MSANTD3: variants seen among roughly 807,000 people sequenced by gnomAD.
MSANTD3 encodes myb/SANT-like DNA-binding domain-containing protein 3.
A neutral mutation model predicts 27.7 loss-of-function variants in MSANTD3; 11 were observed. That is an observed-to-expected ratio of 0.40 (90% CI 0.25 to 0.66). The LOEUF (loss-of-function observed/expected upper bound fraction) is 0.66. Ranked by LOEUF, MSANTD3 falls within the 30% of genes least tolerant of loss-of-function variation. MSANTD3 has a pLI of 0.41. For missense variants in MSANTD3, 250 were observed against 336.5 expected, an observed-to-expected ratio of 0.74 and a Z score of 2.01; for synonymous variants, 131 against 127.2, an observed-to-expected ratio of 1.03 and a Z score of -0.20.
chr9:100,445,128 TA>T, intron 2 of MSANTD3: 2 of 1,302,400 alleles, frequency 1.5e-6, no homozygotes, highest in Non-Finnish European at 2.2e-6. Flanking sequence ...TTCTATACAG[TA>T]AAACAACTTT....
At chr9:100,447,087 A>G (rs574556532) in intron 2 of MSANTD3, among the ~76,000 whole-genome samples, 13 of 152,234 alleles carry the variant, frequency 8.5e-5, no homozygotes, top group African/African-American at 3.1e-4. Flanking sequence ...TCCTGGTCCC[A>G]GGAAAGCTGT....
intron 1 of MSANTD3, among the ~76,000 whole-genome samples, chr9:100,436,216 A>G (rs1428296957): frequency 6.6e-6 from 1 of 152,134 alleles, no homozygotes; most frequent in African/African-American, 2.4e-5. Flanking sequence ...AGGCACAATC[A>G]TAGCTCACTG....
chr9:100,442,808 CAAAA>C (rs59051169), intron 2 of MSANTD3, among the ~76,000 whole-genome samples: 3 of 55,892 alleles, frequency 5.4e-5, no homozygotes, highest in Non-Finnish European at 4.0e-5. Context: ...GACCCTGTCT[CAAAA>C]AAAAAAAAAA....
intron 2 of MSANTD3, chr9:100,444,045 G>A (rs1407278516): frequency 6.6e-6 from 1 of 152,220 alleles, no homozygotes; most frequent in Non-Finnish European, 1.5e-5. Flanking sequence ...AGCCAGGAAT[G>A]TTGTCTGTGT....
intron 2 of MSANTD3, 81 bp from the exon 3 acceptor site, chr9:100,450,476 T>C: frequency 7.7e-7 from 1 of 1,298,124 alleles, no homozygotes; most frequent in Non-Finnish European, 1.1e-6. Context: ...TGAAGGACCC[T>C]GTCATTTGAA....
chr9:100,437,036 C>G (rs929938530), intron 1 of MSANTD3, among the ~76,000 whole-genome samples: 1 of 152,192 alleles, frequency 6.6e-6, no homozygotes, highest in African/African-American at 2.4e-5. Context: ...AACTCCTGAC[C>G]TCAGGTGATC....
At chr9:100,428,148 G>A (rs1037831791) in intron 1 of MSANTD3, among the ~76,000 whole-genome samples, 1 of 152,202 alleles carries the variant, frequency 6.6e-6, no homozygotes, top group African/African-American at 2.4e-5. Flanking sequence ...TTAGGAGTAC[G>A]AAACAGTGAA....
Position 100,442,144 on chromosome 9 carries a change from A to G in MSANTD3, c.206A>G (p.Gln69Arg). The stretch of plus-strand genomic sequence containing the variant: ...AGCGTGTCCCTGCGGGATTTCAAAC[A>G]GCTGAAGAAGTGCTGGGAGAACATC... ...QPSVSLRDFK[Q>R]LKKCWENIKA... Residue 69 changes from glutamine (Q) to arginine (R), a missense_variant, in exon 2 of 3, where the codon CAG (glutamine) becomes CGG (arginine). Coordinates refer to ENST00000395067, the MANE Select transcript of MSANTD3 (RefSeq NM_080655.3). The G allele has an allele frequency of 6.2e-7, 1 of 1,614,212 alleles. No individual in the cohort carries two copies. Among genetic ancestry groups the G allele is most frequent in the Non-Finnish European group, 8.5e-7 (1 of 1,180,036 alleles).
intron 2 of MSANTD3, among the ~76,000 whole-genome samples, chr9:100,443,115 A>G (rs752380526): frequency 2.0e-5 from 3 of 152,064 alleles, no homozygotes; most frequent in Non-Finnish European, 4.4e-5. Context: ...AAAAGAGTCA[A>G]CCGGCTGGGT....
chr9:100,445,576 G>T (rs1836734861), intron 2 of MSANTD3, among the ~76,000 whole-genome samples: 1 of 151,752 alleles, frequency 6.6e-6, no homozygotes, highest in African/African-American at 2.4e-5. Context: ...TTCTAATGTT[G>T]CTCTGAGGAT....
chr9:100,429,185 T>A, intron 1 of MSANTD3, among the ~76,000 whole-genome samples: 1 of 152,146 alleles, frequency 6.6e-6, no homozygotes, highest in Admixed American at 6.6e-5. Context: ...AACCAGGCAT[T>A]GAAGCAGAGA....
Position 100,451,077 on chromosome 9 carries a change from G to A in MSANTD3, c.*111G>A. On this transcript the variant is annotated 3_prime_UTR_variant, in exon 3 of 3. Transcript: ENST00000395067. ...GAGCTACAACTAGGAAAATTAGAGT[G>A]GTAGTAGTCACTTATTTAAGAATTC... The A allele has an allele frequency of 9.5e-7, 1 of 1,053,010 alleles. No individual in the cohort carries two copies. The highest frequency in any genetic ancestry group is 1.4e-6 in the Non-Finnish European group (1 of 730,734). 65.2% of individuals were successfully genotyped at this position (1,053,010 alleles called of 1,614,324 possible).
chr9:100,443,018 C>T (rs575542064), intron 2 of MSANTD3, among the ~76,000 whole-genome samples: 13 of 152,098 alleles, frequency 8.5e-5, no homozygotes, highest in African/African-American at 3.1e-4. Flanking sequence ...TGTATTCATC[C>T]ACTCAATTTC....
chr9:100,450,932 C>T lies in MSANTD3; in HGVS notation c.794C>T (p.Ser265Phe). ...ACTTTTACCAAGGAATGGCCTGTTT[C>T]CTCATTTAACCGGCCCTTTCCCAAT... Reference protein sequence around the residue: ...LQTFTKEWPVSSFNRPFPNSP With the variant: ...LQTFTKEWPVFSFNRPFPNSP The change falls in exon 3 of 3, where the codon TCC (serine) becomes TTC (phenylalanine). Residue 265 changes from serine to phenylalanine, a missense_variant. Ser to Phe is a radical substitution (Grantham distance 155, BLOSUM62 -2). Transcript: ENST00000395067. 1.2e-6 allele frequency: 2 copies of T among 1,603,936 alleles called. No individual in the cohort carries two copies. Among genetic ancestry groups the T allele is most frequent in the Non-Finnish European group, 8.5e-7 (1 of 1,176,352 alleles).
chr9:100,446,590 C>T (rs1316977955), intron 2 of MSANTD3, among the ~76,000 whole-genome samples: 1 of 152,098 alleles, frequency 6.6e-6, no homozygotes, highest in Non-Finnish European at 1.5e-5. Flanking sequence ...CTTTGGGAGG[C>T]CAAGGCAGAC....
chr9:100,449,057 T>G, intron 2 of MSANTD3: 1 of 985,370 alleles, frequency 1.0e-6, no homozygotes, highest in Non-Finnish European at 1.2e-6. Flanking sequence ...GTGGACGTAA[T>G]AATGTAATCA....
intron 1 of MSANTD3, among the ~76,000 whole-genome samples, chr9:100,431,002 CT>C (rs796101000): frequency 7.6e-4 from 110 of 145,004 alleles, no homozygotes; most frequent in Non-Finnish European, 6.9e-4. Context: ...TTCTTTTTTT[CT>C]TTTTTTTTTT....
chr9:100,440,895 G>A lies in MSANTD3; in HGVS notation c.-33-1011G>A, dbSNP rs532701096. Among the ~76,000 whole-genome samples, 20 of 143,300 alleles carry A rather than the reference G, an allele frequency of 1.4e-4. No individual in the cohort carries two copies. In the Middle Eastern group the frequency reaches 0.012, roughly 87 times the overall value. 94.0% of individuals were successfully genotyped at this position (143,300 alleles called of 152,430 possible). A position where few individuals can be genotyped will look rare whatever the true frequency, so the allele number is the denominator to read the frequency against. On this transcript the variant is annotated intron_variant, in intron 1 of 2. Coordinates refer to ENST00000395067, the MANE Select transcript of MSANTD3 (RefSeq NM_080655.3). ...CTACCTCAGCCTCCCAAAGTGCTGG[G>A]ATTACAGGTGTGAGCCACTGTGCCC...
chr9:100,438,941 T>C (rs976641718), intron 1 of MSANTD3, among the ~76,000 whole-genome samples: 4 of 152,308 alleles, frequency 2.6e-5, no homozygotes, highest in Non-Finnish European at 4.4e-5. Context: ...TAGGGACACA[T>C]CCCCAAAGAT....
Sources: gnomAD v4.1 joint callset for allele counts (sites outside exome capture counted in the v4.1 genomes callset) on GRCh38, gnomAD v4.1.1 for gene constraint, MANE v1.5 for transcripts, NCBI Gene and HGNC (gene_info 2026-07-23, HGNC 2026-07-21) for gene names.